WWOX: variants seen among roughly 807,000 people sequenced by gnomAD.
WWOX encodes the protein WW domain-containing oxidoreductase.
Under a neutral mutation model 46.2 loss-of-function variants are expected in WWOX, and 69 were observed. The ratio of observed to expected loss-of-function variants is 1.49; its 90% CI spans 1.23 to 1.82. The LOEUF is 1.82. Among genes scored for constraint, WWOX ranks in the 40% most tolerant of loss-of-function variants. The pLI, the probability that WWOX is intolerant of heterozygous loss-of-function variation, is 0.00. For missense variants in WWOX, 919 were observed against 542.6 expected, an observed-to-expected ratio of 1.69 and a Z score of -6.89; for synonymous variants, 359 against 202.6, an observed-to-expected ratio of 1.77 and a Z score of -6.56.
chr16:78,967,597 G>A (rs1230303662), intron 8 of WWOX, among the ~76,000 whole-genome samples: 1 of 150,822 alleles, frequency 6.6e-6, no homozygotes, highest in Non-Finnish European at 1.5e-5. Context: ...GAGCCACTAT[G>A]CCCAATACCC....
chr16:78,613,216 C>T (rs1471292227), intron 8 of WWOX, among the ~76,000 whole-genome samples: 1 of 152,162 alleles, frequency 6.6e-6, no homozygotes, highest in African/African-American at 2.4e-5. Context: ...CGTCTATGCC[C>T]AGGTCCCATT....
chr16:78,668,674 A>T (rs1451622245), intron 8 of WWOX, among the ~76,000 whole-genome samples: 1 of 152,142 alleles, frequency 6.6e-6, no homozygotes, highest in Non-Finnish European at 1.5e-5. Context: ...TTTACCCCTG[A>T]GAAGAGCAGG....
At chr16:78,314,285 A>T (rs559160801) in intron 5 of WWOX, among the ~76,000 whole-genome samples, 8 of 151,162 alleles carry the variant, frequency 5.3e-5, no homozygotes, top group South Asian at 2.1e-4. Flanking sequence ...GTGGGCCTGT[A>T]GTCTCAGCTA....
At chr16:78,733,220 C>T (rs1031768623) in intron 8 of WWOX, among the ~76,000 whole-genome samples, 4 of 152,118 alleles carry the variant, frequency 2.6e-5, no homozygotes, top group African/African-American at 7.2e-5. Flanking sequence ...ATATCATTTG[C>T]CATAAATACA....
intron 8 of WWOX, chr16:79,205,900 G>C (rs763294439): frequency 6.6e-6 from 1 of 152,138 alleles, no homozygotes; most frequent in Admixed American, 6.5e-5. Context: ...TAAGATGGGG[G>C]TTGTGTCCAC....
chr16:79,142,590 G>A (rs1344037066), intron 8 of WWOX, among the ~76,000 whole-genome samples: 2 of 152,176 alleles, frequency 1.3e-5, no homozygotes, highest in Non-Finnish European at 2.9e-5. Context: ...TTCAGTTGTA[G>A]CATGAAAAAT....
chr16:78,633,365 A>C (rs181275325), intron 8 of WWOX, among the ~76,000 whole-genome samples: 1 of 152,184 alleles, frequency 6.6e-6, no homozygotes, highest in Non-Finnish European at 1.5e-5. Context: ...ATTTGAACCT[A>C]GGAGCTCTTG....
chr16:78,332,673 T>C (rs2080788432), intron 5 of WWOX, among the ~76,000 whole-genome samples: 1 of 152,166 alleles, frequency 6.6e-6, no homozygotes, highest in East Asian at 1.9e-4. Flanking sequence ...GATATGATAA[T>C]CTGAGAGTTG....
chr16:79,117,435 T>C (rs1034290000), intron 8 of WWOX, among the ~76,000 whole-genome samples: 1 of 152,204 alleles, frequency 6.6e-6, no homozygotes, highest in African/African-American at 2.4e-5. Flanking sequence ...ATTCCATTTA[T>C]AGAGCACAGG....
At chr16:78,102,119 C>T (rs932549112) in intron 1 of WWOX, among the ~76,000 whole-genome samples, 1 of 152,138 alleles carries the variant, frequency 6.6e-6, no homozygotes, top group African/African-American at 2.4e-5. Context: ...TGGGGTCTCA[C>T]CATGTTGCCC....
rs75473527 is a variant in WWOX at position 78,614,066 on chromosome 16, G to A, written c.1056+181314G>A. ...TCTGGCTCTTTGCAGAAAATGCGCT[G>A]AACCTTGCATGTTGTGTCACCCCTG... On this transcript the variant is annotated intron_variant, in intron 8 of 8. Transcript: ENST00000566780. 3.3e-3 allele frequency among the ~76,000 whole-genome samples: 507 copies of A among 152,288 alleles called. 5 individuals carry two copies. Among genetic ancestry groups the A allele is most frequent in the African/African-American group, 0.012 (486 of 41,554 alleles).
chr16:79,211,089 C>A (rs992859296), intron 8 of WWOX, among the ~76,000 whole-genome samples: 1 of 149,744 alleles, frequency 6.7e-6, no homozygotes, highest in African/African-American at 2.4e-5. Flanking sequence ...ATTGCCAACC[C>A]TTCCCCTAGC....
chr16:78,616,597 C>G (rs2046031161), intron 8 of WWOX, among the ~76,000 whole-genome samples: 1 of 151,922 alleles, frequency 6.6e-6, no homozygotes, highest in African/African-American at 2.4e-5. Context: ...TGGTGAAACC[C>G]TGTCTCTACT....
At position 78,110,231 on chromosome 16, in the gene WWOX, T is replaced by G. The variant is rs574399969; in HGVS notation, c.230+396T>G. On this transcript the variant is annotated intron_variant, in intron 3 of 8. Transcript: ENST00000566780. ...GGCACGTGCCTGTGGTCCCTGCTAC[T>G]CGGGAGGGTAAGGCGGGAGAATCAC... is the stretch of plus-strand genomic sequence containing the variant. 2.0e-5 allele frequency among the ~76,000 whole-genome samples: 3 copies of G among 150,676 alleles called. No individual in the cohort carries two copies. The South Asian group carries it at 6.3e-4, about 32-fold the overall frequency.
intron 8 of WWOX, among the ~76,000 whole-genome samples, chr16:79,009,667 T>C (rs7188867): frequency 0.045 from 6,918 of 152,230 alleles, 526 homozygotes; most frequent in African/African-American, 0.16. Context: ...GCCAGCCTTG[T>C]CTTGAACTCC....
At chr16:78,759,977 T>A (rs1050063683) in intron 8 of WWOX, among the ~76,000 whole-genome samples, 2 of 152,202 alleles carry the variant, frequency 1.3e-5, no homozygotes, top group African/African-American at 4.8e-5. Flanking sequence ...GCTTCCCTCT[T>A]ACAATGACCC....
intron 8 of WWOX, among the ~76,000 whole-genome samples, chr16:78,771,819 T>C (rs1350957285): frequency 6.6e-6 from 1 of 151,696 alleles, no homozygotes; most frequent in Non-Finnish European, 1.5e-5. Context: ...AAATAAGAGT[T>C]GGATCACAGC....
chr16:78,192,271 G>A (rs1354056024), intron 5 of WWOX, among the ~76,000 whole-genome samples: 1 of 152,112 alleles, frequency 6.6e-6, no homozygotes, highest in Non-Finnish European at 1.5e-5. Flanking sequence ...GACGCGGGTG[G>A]ATCACATGAG....
At chr16:79,165,647 C>T (rs527375270) in intron 8 of WWOX, among the ~76,000 whole-genome samples, 1 of 152,214 alleles carries the variant, frequency 6.6e-6, no homozygotes, top group Admixed American at 6.5e-5. Flanking sequence ...AAGATTCTGC[C>T]TACAGCTGGT....
Sources: allele counts gnomAD v4.1 joint callset (sites outside exome capture counted in the v4.1 genomes callset), GRCh38; gene constraint gnomAD v4.1.1; transcripts MANE v1.5; gene names NCBI Gene and HGNC (gene_info 2026-07-23, HGNC 2026-07-21).